The following TOR1AIP2 variants were observed in gnomAD, a reference collection of about 807,000 sequenced individuals.
TOR1AIP2 encodes the protein torsin-1A-interacting protein 2.
TOR1AIP2 carries 20 observed loss-of-function variants against 32.6 expected under a neutral mutation model. The ratio of observed to expected loss-of-function variants is 0.61; its 90% confidence interval spans 0.43 to 0.89. The LOEUF (loss-of-function observed/expected upper bound fraction) is 0.89, where lower values mean the gene tolerates loss of function less well. Ranked by LOEUF, TOR1AIP2 falls within the 40% of genes least tolerant of loss-of-function variation. The pLI is 0.00. For synonymous variants in TOR1AIP2, 214 were observed against 210.8 expected (o/e 1.02, Z -0.13); for missense variants, 456 against 553.8 (o/e 0.82, Z 1.77).
In TOR1AIP2 at chr1:179,867,233, G is replaced by A. The variant is rs116752585; in HGVS notation, c.-565-1379C>T. 8.6e-3 allele frequency among the ~76,000 whole-genome samples: 1,311 copies of A among 152,282 alleles called. 20 individuals carry two copies. Among genetic ancestry groups the A allele is most frequent in the African/African-American group, 0.031 (1,273 of 41,534 alleles). On this transcript the variant is annotated intron_variant, in intron 2 of 6. Coordinates refer to ENST00000609928, the MANE Select transcript of TOR1AIP2 (RefSeq NM_001199260.2). Reference sequence around the variant, plus strand: ...CATATTTTGATGGAAGTCCCAGAGCGGGTGAAATAGAGTCAAGTAGACATA... The same window carrying A: ...CATATTTTGATGGAAGTCCCAGAGCAGGTGAAATAGAGTCAAGTAGACATA...
In TOR1AIP2 at chr1:179,844,996, C is replaced by T. The variant is rs772842140; in HGVS notation, c.*1075G>A. On this transcript the variant is annotated 3_prime_UTR_variant, in exon 7 of 7. Transcript: ENST00000609928. The stretch of plus-strand genomic sequence containing the variant: ...AGAAATGACGATTAACAGAAATGAA[C>T]AAAAGCATCAGAGACATGCTAGTAA... 6 of 152,126 alleles carry T rather than the reference C, an allele frequency of 3.9e-5. No homozygotes were observed. Among genetic ancestry groups the T allele is most frequent in the Non-Finnish European group, 7.4e-5 (5 of 67,990 alleles). The allele number at this position is 152,126 out of a possible 1,614,324, so 9.4% of individuals were successfully genotyped here.
At chr1:179,859,926 A>C in intron 3 of TOR1AIP2, 1 of 789,326 alleles carries the variant, frequency 1.3e-6, no homozygotes, top group South Asian at 5.8e-5. Context: ...CTCATAGCTC[A>C]CTGAGGCTCA....
intron 5 of TOR1AIP2, among the ~76,000 whole-genome samples, chr1:179,849,112 G>A (rs1696026423): frequency 1.3e-5 from 2 of 151,900 alleles, no homozygotes; most frequent in Non-Finnish European, 1.5e-5. Context: ...GTCCGGCCTG[G>A]GCAAAAGAGT....
chr1:179,860,245 G>A, intron 3 of TOR1AIP2: 1 of 970,480 alleles, frequency 1.0e-6, no homozygotes, highest in Non-Finnish European at 1.2e-6. Flanking sequence ...CACTTTGGGA[G>A]GCCCAGGTGA....
rs1162283355 is a variant in TOR1AIP2, at chr1:179,840,502, C to T, written c.*5569G>A. 3.3e-5 allele frequency: 5 copies of T among 152,188 alleles called. No homozygotes were observed. The highest frequency in any genetic ancestry group is 1.2e-4 in the African/African-American group (5 of 41,424). The allele number at this position is 152,188 out of a possible 1,614,324, so 9.4% of individuals were successfully genotyped here. On this transcript the variant is annotated 3_prime_UTR_variant, in exon 7 of 7. Coordinates refer to ENST00000609928, the MANE Select transcript of TOR1AIP2 (RefSeq NM_001199260.2). Reference sequence around the variant, plus strand: ...AATTTATGGGCTTTTCAAGACATCACAGCAAGCGGGCACAGATAATGCAGA... The same window carrying T: ...AATTTATGGGCTTTTCAAGACATCATAGCAAGCGGGCACAGATAATGCAGA...
intron 3 of TOR1AIP2, chr1:179,859,370 T>A (rs1055659489): frequency 2.1e-6 from 2 of 973,120 alleles, no homozygotes; most frequent in African/African-American, 3.5e-5. Flanking sequence ...AACACGTGAC[T>A]ACTGAGGGCA....
At position 179,845,074 on chromosome 1, in the gene TOR1AIP2, T is replaced by G. The variant is rs1348768138; in HGVS notation, c.*997A>C. On this transcript the variant is annotated 3_prime_UTR_variant, in exon 7 of 7. Transcript: ENST00000609928. ...TGTATAGATCTTTATCCTTCATAAA[T>G]AATGTATCTATACAATAAACCTGTA... 6.6e-6 allele frequency: 1 copy of G among 152,222 alleles called. No homozygotes were observed. The highest frequency in any genetic ancestry group is 1.9e-4 in the East Asian group (1 of 5,196). The allele number at this position is 152,222 out of a possible 1,614,324, so 9.4% of individuals were successfully genotyped here. A position where few individuals can be genotyped will look rare whatever the true frequency, so the allele number is the denominator to read the frequency against.
intron 3 of TOR1AIP2, chr1:179,862,545 C>T: frequency 1.0e-6 from 1 of 985,436 alleles, no homozygotes; most frequent in East Asian, 1.1e-4. Context: ...ATTCTTCATA[C>T]AGACTAACAA....
chr1:179,851,937 T>C (rs949543762), intron 4 of TOR1AIP2, among the ~76,000 whole-genome samples: 2 of 152,208 alleles, frequency 1.3e-5, no homozygotes, highest in Admixed American at 1.3e-4. Flanking sequence ...AAGAATATAA[T>C]CAGCAAAACC....
chr1:179,851,767 C>T (rs962119998), intron 4 of TOR1AIP2, among the ~76,000 whole-genome samples: 2 of 152,134 alleles, frequency 1.3e-5, no homozygotes, highest in African/African-American at 4.8e-5. Context: ...CAGGGAAACC[C>T]AAACAGATAT....
chr1:179,863,328 TC>T, intron 3 of TOR1AIP2: 1 of 983,748 alleles, frequency 1.0e-6, no homozygotes, highest in South Asian at 4.7e-5. Flanking sequence ...TTTCCCAGGC[TC>T]CCTTGTAAAC....
In TOR1AIP2 at chr1:179,847,785, G is replaced by A. The variant is rs1571654488; in HGVS notation, c.554-149C>T. ...ACGGTGGCTCATGCCTGTAATCCCAGCACTTTGGGAGGCTGAAACAGGTGG... is the reference window on the plus strand; with the variant it reads ...ACGGTGGCTCATGCCTGTAATCCCAACACTTTGGGAGGCTGAAACAGGTGG... On this transcript the variant is annotated intron_variant, in intron 5 of 6. Coordinates refer to ENST00000609928, the MANE Select transcript of TOR1AIP2 (RefSeq NM_001199260.2). 8.2e-6 allele frequency: 5 copies of A among 608,520 alleles called. No individual in the cohort carries two copies. The East Asian group carries it at 1.5e-4, about 18-fold the overall frequency. 37.7% of individuals were successfully genotyped at this position (608,520 alleles called of 1,614,324 possible).
In TOR1AIP2 at chr1:179,840,453, A is replaced by G. The variant is rs1283750996; in HGVS notation, c.*5618T>C. On this transcript the variant is annotated 3_prime_UTR_variant, in exon 7 of 7. Coordinates refer to ENST00000609928, the MANE Select transcript of TOR1AIP2 (RefSeq NM_001199260.2). ...ATAAGCCTCAGTGAGGAAAAGCAGG[A>G]GACCATTTGCCAAAATAAGAACCAA... 6.6e-6 allele frequency: 1 copy of G among 152,236 alleles called. No individual in the cohort carries two copies. The highest frequency in any genetic ancestry group is 1.5e-5 in the Non-Finnish European group (1 of 68,038). The allele number at this position is 152,236 out of a possible 1,614,324, so 9.4% of individuals were successfully genotyped here.
At chr1:179,847,748 C>A (rs754074779) in intron 5 of TOR1AIP2, 112 bp from the exon 6 acceptor site, 5 of 764,074 alleles carry the variant, frequency 6.5e-6, no homozygotes, top group Non-Finnish European at 1.1e-5. Flanking sequence ...GCTTTCTATA[C>A]CTTGGCCAGG....
chr1:179,850,709 G>T, intron 5 of TOR1AIP2, 136 bp downstream of exon 5: 1 of 1,049,806 alleles, frequency 9.5e-7, no homozygotes, highest in African/African-American at 1.6e-5. Context: ...CTTGGTGTGA[G>T]CTTGGGCAAG....
At chr1:179,863,665 T>C (rs1696645532) in intron 3 of TOR1AIP2, 2 of 977,294 alleles carry the variant, frequency 2.0e-6, no homozygotes, top group African/African-American at 1.8e-5. Flanking sequence ...TCTGTCACTA[T>C]TTTTTAAAAA....
At chr1:179,861,194 A>C (rs576228996) in intron 3 of TOR1AIP2, 1 of 985,440 alleles carries the variant, frequency 1.0e-6, no homozygotes, top group African/African-American at 1.7e-5. Flanking sequence ...AGTGTAGCTC[A>C]CACTATTTAA....
chr1:179,859,183 C>T lies in TOR1AIP2; in HGVS notation c.-147+6253G>A, dbSNP rs930960695. ...AAACGAGTAACAAATAAAGCATATA[C>T]AACAACTATAAGAACTACTATTTAT... On this transcript the variant is annotated intron_variant, in intron 3 of 6. Coordinates refer to ENST00000609928, the MANE Select transcript of TOR1AIP2 (RefSeq NM_001199260.2). 7 of 984,876 alleles carry T rather than the reference C, an allele frequency of 7.1e-6. No individual in the cohort carries two copies. The East Asian group carries it at 7.9e-4, about 112-fold the overall frequency. The allele number at this position is 984,876 out of a possible 1,614,324, so 61.0% of individuals were successfully genotyped here. A position where few individuals can be genotyped will look rare whatever the true frequency, so the allele number is the denominator to read the frequency against.
At chr1:179,863,527 A>G in intron 3 of TOR1AIP2, 8 of 985,098 alleles carry the variant, frequency 8.1e-6, no homozygotes, top group Non-Finnish European at 9.6e-6. Flanking sequence ...CCTAACGATA[A>G]AAAGCAAACA....
Sources: gnomAD v4.1 joint callset for allele counts (sites outside exome capture counted in the v4.1 genomes callset) on GRCh38, gnomAD v4.1.1 for gene constraint, MANE v1.5 for transcripts, NCBI Gene and HGNC (gene_info 2026-07-23, HGNC 2026-07-21) for gene names.